Variants in PCDH11Y observed in about 807,000 individuals in gnomAD.
PCDH11Y encodes protocadherin-11 Y-linked.
For synonymous variants in PCDH11Y, 9 were observed against 83.6 expected (o/e 0.11, Z 4.87); for missense variants, 12 against 224.8 (o/e 0.05, Z 6.05).
intron 2 of PCDH11Y, among the ~76,000 whole-genome samples, chrY:5,465,613 T>C: frequency 3.1e-5 from 1 of 32,612 alleles, no homozygotes; most frequent in Non-Finnish European, 7.6e-5. Context: ...AATTCTATTT[T>C]ATCTTACTGC....
chrY:5,481,602 A>AT (rs2053325795), intron 2 of PCDH11Y, among the ~76,000 whole-genome samples: 1 of 31,191 alleles, frequency 3.2e-5, no homozygotes, highest in Non-Finnish European at 7.9e-5. Flanking sequence ...TTATCTCATA[A>AT]TTTTTTTGCA....
chrY:5,247,318 A>G (rs2052997213), intron 2 of PCDH11Y, among the ~76,000 whole-genome samples: 1 of 33,729 alleles, frequency 3.0e-5, no homozygotes. Flanking sequence ...TCTAAAATCA[A>G]CCACATGATT....
At chrY:5,197,495 C>T in intron 2 of PCDH11Y, among the ~76,000 whole-genome samples, 1 of 31,367 alleles carries the variant, frequency 3.2e-5, no homozygotes, top group African/African-American at 1.3e-4. Context: ...ACCCAAAGGA[C>T]TATAAATCAT....
chrY:5,672,747 G>T (rs2053550704), intron 4 of PCDH11Y, among the ~76,000 whole-genome samples: 1 of 30,317 alleles, frequency 3.3e-5, no homozygotes, highest in Non-Finnish European at 8.1e-5. Flanking sequence ...CTTTTGTATT[G>T]TTTTCATTTT....
chrY:5,023,153 T>C, intron 1 of PCDH11Y, among the ~76,000 whole-genome samples: 1 of 33,550 alleles, frequency 3.0e-5, no homozygotes, highest in Non-Finnish European at 7.4e-5. Context: ...AGATTCTTCA[T>C]TGTGTAAATG....
chrY:5,276,416 A>G, intron 2 of PCDH11Y, among the ~76,000 whole-genome samples: 1 of 31,758 alleles, frequency 3.1e-5, no homozygotes, highest in Admixed American at 3.0e-4. Context: ...AATGAATTTC[A>G]TGTTTTAAAA....
At chrY:5,055,494 T>C, upstream of PCDH11Y, among the ~76,000 whole-genome samples, 1 of 33,317 alleles carries the variant, frequency 3.0e-5, no homozygotes, top group African/African-American at 1.2e-4. Context: ...TTAACCTTCA[T>C]TTAATTATAA....
chrY:5,228,651 T>G, intron 2 of PCDH11Y, among the ~76,000 whole-genome samples: 2 of 32,751 alleles, frequency 6.1e-5, no homozygotes, highest in African/African-American at 1.2e-4. Context: ...AAGAAATTTT[T>G]GAATTCATTC....
At chrY:5,407,649 G>C (rs2053240095) in intron 2 of PCDH11Y, among the ~76,000 whole-genome samples, 15 of 32,815 alleles carry the variant, frequency 4.6e-4, no homozygotes, top group Non-Finnish European at 9.0e-4. Context: ...CACGGTGGCT[G>C]AGGCCTGTAA....
chrY:5,073,131 T>TTCG (rs2052702629), intron 1 of PCDH11Y, among the ~76,000 whole-genome samples: 4 of 33,723 alleles, frequency 1.2e-4, no homozygotes, highest in African/African-American at 4.6e-4. Context: ...TCTCCAGTTC[T>TTCG]GTAGTCAGGT....
intron 2 of PCDH11Y, among the ~76,000 whole-genome samples, chrY:5,384,291 C>T: frequency 3.2e-5 from 1 of 30,972 alleles, no homozygotes; most frequent in Non-Finnish European, 7.8e-5. Context: ...TGACCCACTG[C>T]AAAAATTCAA....
chrY:5,341,222 C>T (rs2053144503), intron 2 of PCDH11Y, among the ~76,000 whole-genome samples: 1 of 32,765 alleles, frequency 3.1e-5, no homozygotes, highest in Non-Finnish European at 7.5e-5. Context: ...CCTCACTCCT[C>T]AGCCTCTTGA....
chrY:5,224,047 A>G (rs2052956885), intron 2 of PCDH11Y, among the ~76,000 whole-genome samples: 1 of 30,598 alleles, frequency 3.3e-5, no homozygotes, highest in Admixed American at 3.3e-4. Flanking sequence ...AAGAGGCCAC[A>G]TGAAAATGTT....
In PCDH11Y at chrY:5,624,897, G is replaced by A. The variant is rs796389966; in HGVS notation, c.3352+43099G>A. ...TTGATTCCACATAAGTTTTAGAGCA[G>A]TTTTTTGTTTTCTAATTCTGTGAAA... On this transcript the variant is annotated intron_variant, in intron 4 of 4. Transcript: ENST00000400457. Among the ~76,000 whole-genome samples, 196 of 32,650 alleles carry A rather than the reference G, an allele frequency of 6.0e-3. No homozygotes were observed. The East Asian group carries it at 0.15, about 24-fold the overall frequency. 87.6% of individuals were successfully genotyped at this position (32,650 alleles called of 37,273 possible).
intron 2 of PCDH11Y, among the ~76,000 whole-genome samples, chrY:5,120,117 A>G: frequency 3.1e-5 from 1 of 32,693 alleles, no homozygotes; most frequent in African/African-American, 1.2e-4. Context: ...TTTTAGCTGC[A>G]TGGTCTTTAT....
intron 2 of PCDH11Y, among the ~76,000 whole-genome samples, chrY:5,246,525 A>G: frequency 3.0e-5 from 1 of 33,233 alleles, no homozygotes; most frequent in Non-Finnish European, 7.4e-5. Flanking sequence ...CCAGACAAGC[A>G]AATACTGAAG....
chrY:5,176,720 G>A, intron 2 of PCDH11Y, among the ~76,000 whole-genome samples: 1 of 31,983 alleles, frequency 3.1e-5, no homozygotes, highest in Non-Finnish European at 7.6e-5. Flanking sequence ...TAAGTATCCC[G>A]AAAACATCCT....
At chrY:5,304,126 T>C (rs2053086924) in intron 2 of PCDH11Y, among the ~76,000 whole-genome samples, 1 of 28,228 alleles carries the variant, frequency 3.5e-5, no homozygotes, top group African/African-American at 1.5e-4. Flanking sequence ...GCAAGTCACT[T>C]AAAACTTATG....
chrY:5,308,926 C>A, intron 2 of PCDH11Y, among the ~76,000 whole-genome samples: 1 of 30,701 alleles, frequency 3.3e-5, no homozygotes, highest in Non-Finnish European at 7.8e-5. Context: ...ACTAAAAATA[C>A]AAAATTAGCT....
Sources: gnomAD v4.1 joint callset for allele counts (sites outside exome capture counted in the v4.1 genomes callset) on GRCh38, gnomAD v4.1.1 for gene constraint, MANE v1.5 for transcripts, NCBI Gene and HGNC (gene_info 2026-07-23, HGNC 2026-07-21) for gene names.